The following EPAS1 variants were observed in gnomAD, a reference collection of about 807,000 sequenced individuals.
EPAS1 encodes endothelial PAS domain protein 1, also known as endothelial PAS domain-containing protein 1.
In EPAS1, 23 loss-of-function variants were observed where a neutral mutation model predicts 87.9. The observed-to-expected ratio is 0.26, with a 90% CI of 0.19 to 0.37. The LOEUF is 0.37. EPAS1 is among the 10% of genes least tolerant of loss of function. The probability of loss-of-function intolerance (pLI) is 1.00; values close to 1 mark genes in which losing one functional copy is unlikely to be tolerated. For missense variants in EPAS1, 1,138 were observed against 1,120.7 expected (o/e 1.02, Z -0.22); for synonymous variants, 508 against 444.3 (o/e 1.14, Z -1.80).
Position 46,356,349 on chromosome 2 carries a change from G to A in EPAS1, c.369+47G>A, listed in dbSNP as rs768807224. 3.7e-6 allele frequency: 6 copies of A among 1,612,522 alleles called. No individual in the cohort carries two copies. The South Asian group carries it at 6.6e-5, about 18-fold the overall frequency. On this transcript the variant is annotated intron_variant, in intron 3 of 15. Coordinates refer to ENST00000263734, the MANE Select transcript of EPAS1 (RefSeq NM_001430.5). ...TTCAAAAGAAGAAATGTTTCCATTT[G>A]GGGGTAGAAATGAGTGGAAGGTGCT...
chr2:46,347,165 A>C lies in EPAS1; in HGVS notation c.217+102A>C. 7.6e-7 allele frequency: 1 copy of C among 1,317,334 alleles called. No individual in the cohort carries two copies. The highest frequency in any genetic ancestry group is 1.1e-6 in the Non-Finnish European group (1 of 916,066). The allele number at this position is 1,317,334 out of a possible 1,614,324, so 81.6% of individuals were successfully genotyped here. On this transcript the variant is annotated intron_variant, in intron 2 of 15. Coordinates refer to ENST00000263734, the MANE Select transcript of EPAS1 (RefSeq NM_001430.5). This position sits in a 1 kb window ranked among gnomAD's most constrained non-coding sequence, Gnocchi z 4.2. Reference sequence around the variant, plus strand: ...GCTGCCAGAGCTGGAAAGTCACCCCACTACAGAACTTTCACCCACAGAAAC... The same window carrying C: ...GCTGCCAGAGCTGGAAAGTCACCCCCCTACAGAACTTTCACCCACAGAAAC...
intron 11 of EPAS1, chr2:46,379,860 T>C (rs1165722563): frequency 8.0e-6 from 3 of 375,184 alleles, no homozygotes; most frequent in South Asian, 4.6e-5. Flanking sequence ...GGCCTAAGCA[T>C]TGTAGGACAA....
At chr2:46,359,833 G>C (rs574500783) in intron 4 of EPAS1, among the ~76,000 whole-genome samples, 1 of 152,264 alleles carries the variant, frequency 6.6e-6, no homozygotes, top group African/African-American at 2.4e-5. Context: ...CAGACAAGTG[G>C]GATTCAGCTG....
intron 1 of EPAS1, among the ~76,000 whole-genome samples, chr2:46,298,360 T>C (rs1457144901): frequency 6.6e-6 from 1 of 152,216 alleles, no homozygotes. Flanking sequence ...TTTCTCTGGA[T>C]TCGCGGAGTC....
chr2:46,334,529 C>T (rs1683750388), intron 1 of EPAS1, among the ~76,000 whole-genome samples: 1 of 152,170 alleles, frequency 6.6e-6, no homozygotes, highest in African/African-American at 2.4e-5. Context: ...TCCCTGTCTT[C>T]TCCAGCCTTG....
intron 1 of EPAS1, among the ~76,000 whole-genome samples, chr2:46,345,123 C>T (rs77056253): frequency 0.013 from 1,973 of 152,300 alleles, 20 homozygotes; most frequent in Non-Finnish European, 0.019. Flanking sequence ...CTATGAACTT[C>T]GCTGGATGCT....
intron 6 of EPAS1, among the ~76,000 whole-genome samples, chr2:46,361,720 G>A (rs187450299): frequency 4.3e-4 from 66 of 152,348 alleles, no homozygotes; most frequent in Non-Finnish European, 1.2e-4. Context: ...TAAATGTTCA[G>A]TGTTAGCTCT....
Position 46,297,854 on chromosome 2 carries a change from C to CA in EPAS1, c.-57dup. The CA allele has an allele frequency of 6.3e-7, 1 of 1,590,090 alleles. No individual in the cohort carries two copies. Among genetic ancestry groups the CA allele is most frequent in the Non-Finnish European group, 8.6e-7 (1 of 1,168,948 alleles). On this transcript the variant is annotated 5_prime_UTR_variant, in exon 1 of 16. Transcript: ENST00000263734. Reference sequence around the variant, plus strand: ...GGAGCGGACGAGGGCCACAGCCCCCCACCCGCCAGGGAGCCCAGGTGCTCG... The same window carrying CA: ...GGAGCGGACGAGGGCCACAGCCCCCCAACCCGCCAGGGAGCCCAGGTGCTCG...
In EPAS1 at chr2:46,375,897, C is replaced by A. The variant is rs904338242; in HGVS notation, c.1034+60C>A. The A allele has an allele frequency of 6.2e-7, 1 of 1,610,990 alleles. No individual in the cohort carries two copies. The highest frequency in any genetic ancestry group is 8.5e-7 in the Non-Finnish European group (1 of 1,178,138). On this transcript the variant is annotated intron_variant, in intron 8 of 15. Coordinates refer to ENST00000263734, the MANE Select transcript of EPAS1 (RefSeq NM_001430.5). The surrounding 1 kb of genome is among the most constrained non-coding windows in gnomAD (Gnocchi z 4.1). ...GGTATGTGGGGGTGCCCAAGCTTCCCAGACTCAGGATGACAGGCCTAGGAG... is the reference window on the plus strand; with the variant it reads ...GGTATGTGGGGGTGCCCAAGCTTCCAAGACTCAGGATGACAGGCCTAGGAG...
intron 1 of EPAS1, among the ~76,000 whole-genome samples, chr2:46,332,291 C>CGA (rs1683696958): frequency 9.0e-6 from 1 of 110,800 alleles, no homozygotes; most frequent in South Asian, 3.3e-4. Context: ...AAAAAAAATA[C>CGA]GTGTGTGTGT....
rs776002310 is a variant in EPAS1, at chr2:46,384,645, G to C, written c.2598G>C (p.Leu866=). The part of the protein sequence containing the change: ...LLQGGDLLRA[L]DQAT ...AAGGAGGGGACCTCCTCAGAGCCCT[G>C]GACCAGGCCACCTGAGCCAGGCCTT... Residue 866 remains leucine (L), a synonymous_variant, in exon 16 of 16, where the codon CTG becomes CTC. Transcript: ENST00000263734. The C allele has an allele frequency of 6.2e-7, 1 of 1,613,744 alleles. No individual in the cohort carries two copies. The highest frequency in any genetic ancestry group is 1.1e-5 in the South Asian group (1 of 91,074).
rs529280211 is a variant in EPAS1 at position 46,327,703 on chromosome 2, T to C, written c.27-19170T>C. Among the ~76,000 whole-genome samples the C allele has an allele frequency of 5.9e-5, 9 of 152,302 alleles. No homozygotes were observed. The East Asian group carries it at 1.7e-3, about 29-fold the overall frequency. On this transcript the variant is annotated intron_variant, in intron 1 of 15. Coordinates refer to ENST00000263734, the MANE Select transcript of EPAS1 (RefSeq NM_001430.5). The stretch of plus-strand genomic sequence containing the variant: ...ATATATCCTTGGATGACAATTCCAT[T>C]AGAATATAGCCCCTGGCACAGAGTA...
At position 46,378,729 on chromosome 2, in the gene EPAS1, G is replaced by A. The variant is rs745977062; in HGVS notation, c.1516G>A (p.Ala506Thr). 2.1e-5 allele frequency: 34 copies of A among 1,614,016 alleles called. No individual in the cohort carries two copies. The highest frequency in any genetic ancestry group is 1.9e-4 in the South Asian group (17 of 91,082). ...GATTGAAGTGATTGAGAAGCTCTTC[G>A]CCATGGACACAGAGGCCAAGGACCA... ...LKIEVIEKLF[A>T]MDTEAKDQCS... Residue 506 changes from alanine (A) to threonine (T), a missense_variant, in exon 11 of 16, where the codon GCC becomes ACC. By Grantham distance (58) the Ala-to-Thr change is moderately conservative. Coordinates refer to ENST00000263734, the MANE Select transcript of EPAS1 (RefSeq NM_001430.5).
intron 2 of EPAS1, among the ~76,000 whole-genome samples, chr2:46,350,460 C>T (rs1161545042): frequency 1.3e-5 from 2 of 152,208 alleles, no homozygotes; most frequent in African/African-American, 4.8e-5. Context: ...GAAACCTCAA[C>T]GTTGAGAAAT....
intron 1 of EPAS1, among the ~76,000 whole-genome samples, chr2:46,334,628 G>C (rs1285187924): frequency 6.6e-6 from 1 of 152,122 alleles, no homozygotes; most frequent in Non-Finnish European, 1.5e-5. Context: ...AGCTCCCTGA[G>C]GTCAGGCATA....
Position 46,375,195 on chromosome 2 carries a change from A to AC in EPAS1, c.887-495_887-494insC, listed in dbSNP as rs1215420379. On this transcript the variant is annotated intron_variant, in intron 7 of 15. Coordinates refer to ENST00000263734, the MANE Select transcript of EPAS1 (RefSeq NM_001430.5). The surrounding 1 kb of genome is among the most constrained non-coding windows in gnomAD (Gnocchi z 4.1). ...GGTCTGCTGAAAAAAAAAAACAAAA[A>AC]AAAACAAAAAAAACTGCCCTGAGGT... 8.6e-5 allele frequency among the ~76,000 whole-genome samples: 13 copies of AC among 151,694 alleles called. No homozygotes were observed. Among genetic ancestry groups the AC allele is most frequent in the South Asian group, 2.1e-4 (1 of 4,794 alleles).
chr2:46,367,185 TTAGA>T (rs879349305), intron 6 of EPAS1, among the ~76,000 whole-genome samples: 1 of 152,276 alleles, frequency 6.6e-6, no homozygotes, highest in Non-Finnish European at 1.5e-5. Flanking sequence ...GATACATTAA[TTAGA>T]TAAACATTTT....
rs530436826 is a variant in EPAS1, at chr2:46,297,801, G to A, written c.-111G>A. On this transcript the variant is annotated 5_prime_UTR_variant, in exon 1 of 16. Coordinates refer to ENST00000263734, the MANE Select transcript of EPAS1 (RefSeq NM_001430.5). ...GGCGCTCGGGACCTGCGCGCACCTC[G>A]GACCTTCACCACCCGCCCGGGCCGC... 1.9e-5 allele frequency: 28 copies of A among 1,477,380 alleles called. No homozygotes were observed. The East Asian group carries it at 6.9e-4, about 37-fold the overall frequency. The allele number at this position is 1,477,380 out of a possible 1,614,324, so 91.5% of individuals were successfully genotyped here.
chr2:46,367,917 G>A (rs571295185), intron 6 of EPAS1, among the ~76,000 whole-genome samples: 14 of 152,296 alleles, frequency 9.2e-5, no homozygotes, highest in Middle Eastern at 3.4e-3. Flanking sequence ...GTGTGCGCGT[G>A]CATGTGTGCG....
Sources: gnomAD v4.1 joint callset for allele counts (sites outside exome capture counted in the v4.1 genomes callset) on GRCh38, gnomAD v4.1.1 for gene constraint, Gnocchi (gnomAD v3.1) non-coding constraint, MANE v1.5 for transcripts, NCBI Gene and HGNC (gene_info 2026-07-23, HGNC 2026-07-21) for gene names.